ABCC4: variants seen among roughly 807,000 people sequenced by gnomAD.
ABCC4 encodes ATP binding cassette subfamily C member 4 (PEL blood group), also known as ATP-binding cassette sub-family C member 4.
A neutral mutation model predicts 168.5 loss-of-function variants in ABCC4; 102 were observed. That is an observed-to-expected ratio of 0.61 (90% CI 0.52 to 0.71). The LOEUF is 0.71. Among genes scored for constraint, ABCC4 ranks in the 30% least tolerant of loss-of-function variants. The probability of loss-of-function intolerance (pLI) is 0.00; values close to 1 mark genes in which losing one functional copy is unlikely to be tolerated. For synonymous variants in ABCC4, 617 were observed against 590.7 expected, an observed-to-expected ratio of 1.04 and a Z score of -0.65; for missense variants, 1,402 against 1,605.8, an observed-to-expected ratio of 0.87 and a Z score of 2.17.
chr13:95,073,482 A>G (rs1566393286), intron 23 of ABCC4, 178 bp from the exon 24 acceptor site: 2 of 420,970 alleles, frequency 4.8e-6, no homozygotes, highest in Non-Finnish European at 8.4e-6. Flanking sequence ...GGAAAACAAC[A>G]CTGTATATTT....
chr13:95,138,826 C>A (rs1015651362), intron 19 of ABCC4, among the ~76,000 whole-genome samples: 1 of 152,242 alleles, frequency 6.6e-6, no homozygotes, highest in Non-Finnish European at 1.5e-5. Flanking sequence ...CTTTATCTGC[C>A]CTGCATGGCC....
rs575488043 is a variant in ABCC4 at position 95,268,396 on chromosome 13, G to C, written c.75-20643C>G. Among the ~76,000 whole-genome samples, 9 of 152,206 alleles carry C rather than the reference G, an allele frequency of 5.9e-5. No individual in the cohort carries two copies. In the South Asian group the frequency reaches 1.5e-3, roughly 25 times the overall value. On this transcript the variant is annotated intron_variant, in intron 1 of 30. Coordinates refer to ENST00000645237, the MANE Select transcript of ABCC4 (RefSeq NM_005845.5). ...ATGTGATAGTCTACAATATGGCCTC[G>C]TGGGAAGGGAAAGACCTGACCGTAC... is the stretch of plus-strand genomic sequence containing the variant.
rs191564565 is a variant in ABCC4 at position 95,188,889 on chromosome 13, A to T, written c.1264-347T>A. On this transcript the variant is annotated intron_variant, in intron 9 of 30. Coordinates refer to ENST00000645237, the MANE Select transcript of ABCC4 (RefSeq NM_005845.5). The stretch of plus-strand genomic sequence containing the variant: ...TAACTTACTAAAACAATATATATAT[A>T]TTTTTTACTTTAAGTTCTAGGATAC... Among the ~76,000 whole-genome samples the T allele has an allele frequency of 8.1e-4, 123 of 152,092 alleles. 1 individual carries two copies. The East Asian group carries it at 0.016, about 20-fold the overall frequency.
chr13:95,218,953 G>A (rs1337436487), intron 4 of ABCC4, among the ~76,000 whole-genome samples: 1 of 34,136 alleles, frequency 2.9e-5, no homozygotes, highest in Non-Finnish European at 6.6e-5. Flanking sequence ...AAGAAAGAAA[G>A]AAAGAAAGAA....
rs529894683 is a variant in ABCC4, at chr13:95,074,151, T to C, written c.2917+63A>G. The C allele has an allele frequency of 1.1e-5, 15 of 1,308,402 alleles. No homozygotes were observed. The East Asian group carries it at 2.6e-4, about 23-fold the overall frequency. 81.0% of individuals were successfully genotyped at this position (1,308,402 alleles called of 1,614,324 possible). On this transcript the variant is annotated intron_variant, in intron 23 of 30. Transcript: ENST00000645237. ...AGTAGACAAGGTGGCAAGAGTTTAA[T>C]AAATGTAAACACAGCTATAAATTGT...
chr13:95,024,936 A>G (rs1231678513), intron 30 of ABCC4, among the ~76,000 whole-genome samples: 1 of 152,014 alleles, frequency 6.6e-6, no homozygotes, highest in East Asian at 1.9e-4. Context: ...ACTGGAACCA[A>G]TGGGGCTGTG....
chr13:95,078,684 G>A (rs1594060271), intron 21 of ABCC4, among the ~76,000 whole-genome samples: 1 of 152,164 alleles, frequency 6.6e-6, no homozygotes, highest in Non-Finnish European at 1.5e-5. Flanking sequence ...TAACACAAGA[G>A]AATTCCAGGC....
chr13:95,250,687 T>G (rs1594380000), intron 1 of ABCC4, among the ~76,000 whole-genome samples: 1 of 152,022 alleles, frequency 6.6e-6, no homozygotes, highest in Non-Finnish European at 1.5e-5. Flanking sequence ...TTATTTATTG[T>G]TGGTGGTGGT....
At position 95,115,991 on chromosome 13, in the gene ABCC4, T is replaced by G. The variant is rs1375030559; in HGVS notation, c.2466A>C (p.Leu822Phe). The change falls in exon 20 of 31, where the codon TTA becomes TTC. Residue 822 changes from leucine to phenylalanine, a missense_variant. Physicochemically the swap from Leu to Phe is conservative, Grantham distance 22 (BLOSUM62 0). Coordinates refer to ENST00000645237, the MANE Select transcript of ABCC4 (RefSeq NM_005845.5). ...FFDRNPIGRILNRFSKDIGHL... is the reference protein window; with the variant it reads ...FFDRNPIGRIFNRFSKDIGHL... ...GTCCAATGTCTTTGGAGAAACGATT[T>G]AAAATTCTTCCTGCAAGAACAGGAT... is the stretch of plus-strand genomic sequence containing the variant. 6.2e-7 allele frequency: 1 copy of G among 1,611,814 alleles called. No individual in the cohort carries two copies. The highest frequency in any genetic ancestry group is 1.3e-5 in the African/African-American group (1 of 74,804).
intron 19 of ABCC4, among the ~76,000 whole-genome samples, chr13:95,144,347 G>C (rs1345601549): frequency 6.6e-6 from 1 of 152,006 alleles, no homozygotes; most frequent in African/African-American, 2.4e-5. Context: ...TAACCAGTAA[G>C]ACAAGGAGGC....
chr13:95,207,104 C>T (rs559959953), intron 7 of ABCC4, among the ~76,000 whole-genome samples: 2 of 152,358 alleles, frequency 1.3e-5, no homozygotes, highest in South Asian at 4.1e-4. Context: ...TCTCAGCTCA[C>T]TGCAACCTCC....
At chr13:95,276,056 G>T (rs1316113796) in intron 1 of ABCC4, among the ~76,000 whole-genome samples, 3 of 152,240 alleles carry the variant, frequency 2.0e-5, no homozygotes, top group Middle Eastern at 3.4e-3. Flanking sequence ...CTGTTAAAGG[G>T]CTTACTTGGT....
Position 95,059,898 on chromosome 13 carries a change from T to C in ABCC4, c.3366+2806A>G, listed in dbSNP as rs866156096. Among the ~76,000 whole-genome samples the C allele has an allele frequency of 2.6e-5, 4 of 152,152 alleles. No homozygotes were observed. The East Asian group carries it at 7.7e-4, about 29-fold the overall frequency. On this transcript the variant is annotated intron_variant, in intron 26 of 30. Transcript: ENST00000645237. The stretch of plus-strand genomic sequence containing the variant: ...AAAATCTTCACAACAAATCTGTAAG[T>C]TAGTAATTACTAGGTTTGGTTTAAG...
intron 25 of ABCC4, among the ~76,000 whole-genome samples, chr13:95,070,303 A>G (rs1005224149): frequency 6.6e-6 from 1 of 152,126 alleles, no homozygotes; most frequent in Non-Finnish European, 1.5e-5. Context: ...GAGATGCTTG[A>G]ACTGACTGAA....
intron 20 of ABCC4, among the ~76,000 whole-genome samples, chr13:95,109,745 A>C (rs1366390694): frequency 6.6e-6 from 1 of 152,140 alleles, no homozygotes; most frequent in Non-Finnish European, 1.5e-5. Context: ...TATCCCTTCT[A>C]TTGTAAGTCT....
At chr13:95,156,714 C>T (rs1403977951) in intron 19 of ABCC4, among the ~76,000 whole-genome samples, 6 of 152,110 alleles carry the variant, frequency 3.9e-5, no homozygotes, top group South Asian at 2.1e-4. Flanking sequence ...AACAGACACA[C>T]GTGATCCCAT....
chr13:95,090,599 C>A (rs987679526), intron 20 of ABCC4, among the ~76,000 whole-genome samples: 6 of 152,178 alleles, frequency 3.9e-5, no homozygotes, highest in Admixed American at 3.9e-4. Context: ...ATCAAGGGAA[C>A]ACCCTGTGGG....
rs566342401 is a variant in ABCC4 at position 95,295,680 on chromosome 13, G to C, written c.74+5561C>G. ...CCCCCGCCCCTCAAAAAATTAGCTA[G>C]GTGTCCAGGTGCGGTGGCTCATGCT... On this transcript the variant is annotated intron_variant, in intron 1 of 30. Transcript: ENST00000645237. Among the ~76,000 whole-genome samples, 553 of 148,446 alleles carry C rather than the reference G, an allele frequency of 3.7e-3. 2 individuals are homozygous for C. The highest frequency in any genetic ancestry group is 6.5e-3 in the Non-Finnish European group (435 of 67,094).
At chr13:95,101,652 G>A (rs771535772) in intron 20 of ABCC4, among the ~76,000 whole-genome samples, 6 of 152,106 alleles carry the variant, frequency 3.9e-5, no homozygotes, top group Admixed American at 6.5e-5. Context: ...GGAAGTTTCA[G>A]CAATATTATG....
Sources: allele counts gnomAD v4.1 joint callset (sites outside exome capture counted in the v4.1 genomes callset), GRCh38; gene constraint gnomAD v4.1.1; transcripts MANE v1.5; gene names NCBI Gene and HGNC (gene_info 2026-07-23, HGNC 2026-07-21).